CHST11: variants seen among roughly 807,000 people sequenced by gnomAD.
The protein encoded by CHST11 is carbohydrate sulfotransferase 11.
Under a neutral mutation model 30.4 loss-of-function variants are expected in CHST11, and 9 were observed. The ratio of observed to expected loss-of-function variants is 0.30; its 90% CI spans 0.18 to 0.52. The LOEUF is 0.52. Ranked by LOEUF, CHST11 falls within the 20% of genes least tolerant of loss-of-function variation. The probability of loss-of-function intolerance (pLI) is 0.97; values close to 1 mark genes in which losing one functional copy is unlikely to be tolerated. For synonymous variants in CHST11, 152 were observed against 187.8 expected (o/e 0.81, Z 1.56); for missense variants, 348 against 460.6 (o/e 0.76, Z 2.24).
rs10659007 is a variant in CHST11, at chr12:104,750,428, C to CTT, written c.205-6494_205-6493dup. On this transcript the variant is annotated intron_variant, in intron 2 of 2. Transcript: ENST00000303694. Reference sequence around the variant, plus strand: ...GTGTACCTGGTTTTATATTTCTGCACTTTTTTTTTTTTTTTTTTTTTTTTT... The same window carrying CTT: ...GTGTACCTGGTTTTATATTTCTGCACTTTTTTTTTTTTTTTTTTTTTTTTTTT... 5.2e-3 allele frequency among the ~76,000 whole-genome samples: 253 copies of CTT among 48,728 alleles called. 53 individuals carry two copies. The highest frequency in any genetic ancestry group is 0.016 in the African/African-American group (197 of 12,242). The allele number at this position is 48,728 out of a possible 152,430, so 32.0% of individuals were successfully genotyped here. A position where few individuals can be genotyped will look rare whatever the true frequency, so the allele number is the denominator to read the frequency against.
chr12:104,540,376 C>T (rs2038275317), intron 1 of CHST11, among the ~76,000 whole-genome samples: 1 of 152,058 alleles, frequency 6.6e-6, no homozygotes, highest in Admixed American at 6.6e-5. Context: ...TAGGAAAAGT[C>T]ATTATTTTTA....
At chr12:104,712,419 G>T (rs938913818) in intron 2 of CHST11, among the ~76,000 whole-genome samples, 2 of 152,050 alleles carry the variant, frequency 1.3e-5, no homozygotes, top group Admixed American at 6.6e-5. Flanking sequence ...CACAGCAGCC[G>T]CCCCTTCTTG....
At position 104,582,096 on chromosome 12, in the gene CHST11, C is replaced by A. The variant is rs10507176; in HGVS notation, c.119-19810C>A. Among the ~76,000 whole-genome samples, 2,903 of 152,224 alleles carry A rather than the reference C, an allele frequency of 0.019. 188 individuals carry two copies. In the East Asian group the frequency reaches 0.21, roughly 11 times the overall value. On this transcript the variant is annotated intron_variant, in intron 1 of 2. Transcript: ENST00000303694. ...TGGTTGTAGGATGCATCCTTATTTG[C>A]GAGAAATTGAAATATGGAAATGTGC...
At chr12:104,572,563 C>A (rs562366059) in intron 1 of CHST11, among the ~76,000 whole-genome samples, 1 of 151,686 alleles carries the variant, frequency 6.6e-6, no homozygotes, top group Non-Finnish European at 1.5e-5. Context: ...TGGTGATATC[C>A]CCTTTATCAT....
rs1043938854 is a variant in CHST11, at chr12:104,739,872, CAT to C, written c.205-17076_205-17075del. Among the ~76,000 whole-genome samples the C allele has an allele frequency of 5.3e-5, 8 of 152,360 alleles. 1 individual carries two copies. The highest frequency in any genetic ancestry group is 1.9e-4 in the East Asian group (1 of 5,190). On this transcript the variant is annotated intron_variant, in intron 2 of 2. Transcript: ENST00000303694. ...TGGTCAGGGCCATTGCCAAATTTTA[CAT>C]CCAGATTGGTCTGCCTGACTCCAGA...
intron 1 of CHST11, among the ~76,000 whole-genome samples, chr12:104,503,449 C>T (rs11112083): frequency 0.2 from 30,292 of 152,218 alleles, 3,579 homozygotes; most frequent in Middle Eastern, 0.36. Context: ...CACACCTGCA[C>T]GTTGGGGCTG....
chr12:104,686,796 C>T (rs987588534), intron 2 of CHST11, among the ~76,000 whole-genome samples: 27 of 152,028 alleles, frequency 1.8e-4, no homozygotes, highest in Admixed American at 1.6e-3. Context: ...TACAGGCACC[C>T]GCCACCACGC....
intron 1 of CHST11, among the ~76,000 whole-genome samples, chr12:104,475,841 C>T (rs2037555309): frequency 7.0e-6 from 1 of 143,330 alleles, no homozygotes; most frequent in African/African-American, 2.5e-5. Flanking sequence ...ACCAGAAGGT[C>T]AAGAGATTTT....
intron 1 of CHST11, chr12:104,552,726 T>G (rs2038416753): frequency 1.3e-5 from 2 of 152,228 alleles, no homozygotes; most frequent in Non-Finnish European, 2.9e-5. Flanking sequence ...ACTGCCTGTT[T>G]TAGCTCTTAG....
At chr12:104,595,160 A>G (rs948898656) in intron 1 of CHST11, among the ~76,000 whole-genome samples, 33 of 151,944 alleles carry the variant, frequency 2.2e-4, no homozygotes, top group African/African-American at 6.5e-4. Flanking sequence ...CCTAAAAGCT[A>G]CCCCTGTGGC....
At chr12:104,720,880 T>C (rs900942238) in intron 2 of CHST11, among the ~76,000 whole-genome samples, 1 of 152,192 alleles carries the variant, frequency 6.6e-6, no homozygotes, top group African/African-American at 2.4e-5. Flanking sequence ...TAGACGCCGT[T>C]CACCTCTCCT....
chr12:104,709,736 G>A (rs1304183262), intron 2 of CHST11, among the ~76,000 whole-genome samples: 2 of 152,310 alleles, frequency 1.3e-5, no homozygotes, highest in East Asian at 1.9e-4. Flanking sequence ...CAGAGAGCAG[G>A]TCAATGGTTG....
rs74843199 is a variant in CHST11, at chr12:104,753,397, T to G, written c.205-3552T>G. ...GCATTACCTGGCTCACAACGAGCAC[T>G]CACCCAGTCAGTGTTAGGTGTCATC... On this transcript the variant is annotated intron_variant, in intron 2 of 2. Coordinates refer to ENST00000303694, the MANE Select transcript of CHST11 (RefSeq NM_018413.6). Among the ~76,000 whole-genome samples the G allele has an allele frequency of 9.0e-3, 1,367 of 152,348 alleles. 41 individuals are homozygous for G. The East Asian group carries it at 0.12, about 14-fold the overall frequency.
chr12:104,536,763 A>G (rs1350808521), intron 1 of CHST11, among the ~76,000 whole-genome samples: 1 of 152,200 alleles, frequency 6.6e-6, no homozygotes, highest in African/African-American at 2.4e-5. Context: ...TATTACTGTG[A>G]TGACAGTGAT....
At chr12:104,613,065 A>G (rs2039074455) in intron 2 of CHST11, among the ~76,000 whole-genome samples, 1 of 152,114 alleles carries the variant, frequency 6.6e-6, no homozygotes, top group South Asian at 2.1e-4. Context: ...TCTACAAAAA[A>G]TATAATAAAA....
At chr12:104,629,158 C>A (rs2039247519) in intron 2 of CHST11, among the ~76,000 whole-genome samples, 1 of 152,250 alleles carries the variant, frequency 6.6e-6, no homozygotes, top group Non-Finnish European at 1.5e-5. Flanking sequence ...AGCCCTGCCT[C>A]TTACTAGCTG....
chr12:104,477,017 T>G (rs1044184556), intron 1 of CHST11, among the ~76,000 whole-genome samples: 3 of 152,134 alleles, frequency 2.0e-5, no homozygotes, highest in African/African-American at 7.2e-5. Flanking sequence ...AGAACTTTCT[T>G]CAGATGTCAC....
rs948787026 is a variant in CHST11, at chr12:104,718,935, G to A, written c.205-38014G>A. On this transcript the variant is annotated intron_variant, in intron 2 of 2. Transcript: ENST00000303694. Reference sequence around the variant, plus strand: ...TTACTGAAGGCTTGAACAGTAAATTGCAGGAAAGGAGCTTCTGTCGGGGAA... The same window carrying A: ...TTACTGAAGGCTTGAACAGTAAATTACAGGAAAGGAGCTTCTGTCGGGGAA... 1.1e-4 allele frequency among the ~76,000 whole-genome samples: 17 copies of A among 152,222 alleles called. No homozygotes were observed. The East Asian group carries it at 1.5e-3, about 14-fold the overall frequency.
At chr12:104,576,447 C>T (rs538247689) in intron 1 of CHST11, among the ~76,000 whole-genome samples, 6 of 152,252 alleles carry the variant, frequency 3.9e-5, no homozygotes, top group South Asian at 4.1e-4. Flanking sequence ...GTTCTGGTTC[C>T]GGGTGACCGT....
Sources: gnomAD v4.1 joint callset for allele counts (sites outside exome capture counted in the v4.1 genomes callset) on GRCh38, gnomAD v4.1.1 for gene constraint, MANE v1.5 for transcripts, NCBI Gene and HGNC (gene_info 2026-07-23, HGNC 2026-07-21) for gene names.